Variants in PDGFD observed in about 807,000 individuals in gnomAD.
PDGFD encodes platelet-derived growth factor D.
PDGFD carries 30 observed loss-of-function variants against 44.7 expected under a neutral mutation model. The ratio of observed to expected loss-of-function variants is 0.67; its 90% CI spans 0.50 to 0.91. PDGFD has a LOEUF of 0.91. PDGFD is among the 40% of genes least tolerant of loss of function. The pLI is 0.00. For synonymous variants in PDGFD, 173 were observed against 168.4 expected (o/e 1.03, Z -0.21); for missense variants, 445 against 457.8 (o/e 0.97, Z 0.25).
intron 3 of PDGFD, among the ~76,000 whole-genome samples, chr11:103,971,639 C>T (rs1458947191): frequency 6.6e-6 from 1 of 152,100 alleles, no homozygotes; most frequent in Non-Finnish European, 1.5e-5. Context: ...TAAAATAAAA[C>T]ACTTAGCAAA....
intron 1 of PDGFD, among the ~76,000 whole-genome samples, chr11:104,160,864 T>C (rs1206940819): frequency 6.6e-6 from 1 of 152,090 alleles, no homozygotes; most frequent in Admixed American, 6.5e-5. Flanking sequence ...TTATAATGGG[T>C]AGAAGCAGAC....
At position 103,996,204 on chromosome 11, in the gene PDGFD, G is replaced by A; in HGVS notation, c.371C>T (p.Thr124Ile). 1 of 1,612,688 alleles carries A rather than the reference G, an allele frequency of 6.2e-7. No individual in the cohort carries two copies. The highest frequency in any genetic ancestry group is 1.3e-5 in the African/African-American group (1 of 74,956). The change falls in exon 3 of 7, where the codon ACC becomes ATC. Residue 124 changes from threonine to isoleucine, a missense_variant. Physicochemically the swap from Thr to Ile is moderately conservative, Grantham distance 89. Transcript: ENST00000393158. Reference sequence around the variant, plus strand: ...TCCACACCATCGTCCTCTAATAATGGTACTGGTTTCGGATATATCTTCAAC... The same window carrying A: ...TCCACACCATCGTCCTCTAATAATGATACTGGTTTCGGATATATCTTCAAC... ...VEVEDISETS[T>I]IIRGRWCGHK...
intron 1 of PDGFD, among the ~76,000 whole-genome samples, chr11:104,102,473 G>A (rs1311974587): frequency 2.6e-5 from 4 of 152,286 alleles, no homozygotes; most frequent in African/African-American, 9.6e-5. Flanking sequence ...CTTTTACACT[G>A]TTGGTGGGAC....
Position 103,909,621 on chromosome 11 carries a change from A to C in PDGFD, c.*73T>G. ...AGTAGTAAGTTTGGTTGCTGGTAGG[A>C]AAAGGGTCTCTTATCTCACCCTCCT... On this transcript the variant is annotated 3_prime_UTR_variant, in exon 7 of 7. Coordinates refer to ENST00000393158, the MANE Select transcript of PDGFD (RefSeq NM_025208.5). 1 of 1,573,068 alleles carries C rather than the reference A, an allele frequency of 6.4e-7. No individual in the cohort carries two copies. The highest frequency in any genetic ancestry group is 1.3e-5 in the African/African-American group (1 of 74,158).
chr11:104,036,481 G>A (rs1860234892), intron 1 of PDGFD: 1 of 289,638 alleles, frequency 3.5e-6, no homozygotes, highest in African/African-American at 2.1e-5. Context: ...TTCATATCAT[G>A]TGTTAAATAG....
rs201318206 is a variant in PDGFD, at chr11:104,089,562, A to G, written c.124+74242T>C. On this transcript the variant is annotated intron_variant, in intron 1 of 6. Transcript: ENST00000393158. ...ATATAGTACTTTAACTGTATGGGCT[A>G]GAATTTAGAGTTTACCAACGCTAAT... Among the ~76,000 whole-genome samples, 3 of 152,336 alleles carry G rather than the reference A, an allele frequency of 2.0e-5. No individual in the cohort carries two copies. The East Asian group carries it at 5.8e-4, about 29-fold the overall frequency.
chr11:104,036,929 C>T (rs748677380), intron 1 of PDGFD: 18 of 1,614,206 alleles, frequency 1.1e-5, no homozygotes, highest in African/African-American at 8.0e-5. Context: ...CTCTGCGAAG[C>T]GGAGTCCAGA....
At chr11:104,032,544 A>G (rs1243192857) in intron 1 of PDGFD, among the ~76,000 whole-genome samples, 2 of 151,698 alleles carry the variant, frequency 1.3e-5, no homozygotes, top group Non-Finnish European at 1.5e-5. Context: ...TAGGTATTCT[A>G]TTTTTTTTCA....
intron 1 of PDGFD, among the ~76,000 whole-genome samples, chr11:104,121,104 C>A (rs1006059549): frequency 3.9e-5 from 6 of 151,966 alleles, no homozygotes; most frequent in African/African-American, 1.4e-4. Context: ...GCACATGTCA[C>A]CACTGTTTTG....
chr11:103,999,105 T>C (rs142704579), intron 2 of PDGFD, among the ~76,000 whole-genome samples: 7 of 152,296 alleles, frequency 4.6e-5, no homozygotes, highest in Admixed American at 4.6e-4. Flanking sequence ...TTACCCTCTA[T>C]GGTCCTAGAA....
At chr11:104,022,531 G>A (rs1308604879) in intron 1 of PDGFD, among the ~76,000 whole-genome samples, 1 of 151,920 alleles carries the variant, frequency 6.6e-6, no homozygotes, top group African/African-American at 2.4e-5. Context: ...ATTTCCTAAG[G>A]TCAATTTCCA....
intron 3 of PDGFD, among the ~76,000 whole-genome samples, chr11:103,962,484 C>T (rs1858952828): frequency 6.6e-6 from 1 of 152,116 alleles, no homozygotes; most frequent in Non-Finnish European, 1.5e-5. Context: ...TGGCTTTCAT[C>T]AAAGGATCTC....
At chr11:103,996,955 G>C (rs962138933) in intron 2 of PDGFD, among the ~76,000 whole-genome samples, 3 of 152,164 alleles carry the variant, frequency 2.0e-5, no homozygotes, top group Non-Finnish European at 4.4e-5. Context: ...CTAGAATCCT[G>C]GGATTCAAGA....
intron 3 of PDGFD, among the ~76,000 whole-genome samples, chr11:103,993,394 C>T (rs1161168995): frequency 2.0e-5 from 3 of 151,416 alleles, no homozygotes; most frequent in Non-Finnish European, 4.4e-5. Context: ...AATCTTAAGG[C>T]TCATATTTTT....
At chr11:104,060,805 T>C (rs1418864843) in intron 1 of PDGFD, among the ~76,000 whole-genome samples, 2 of 152,244 alleles carry the variant, frequency 1.3e-5, no homozygotes, top group African/African-American at 4.8e-5. Flanking sequence ...ACAATTCAAA[T>C]GTTTTTGTAT....
chr11:104,056,872 G>A (rs759219159), intron 1 of PDGFD, among the ~76,000 whole-genome samples: 3 of 152,284 alleles, frequency 2.0e-5, no homozygotes, highest in African/African-American at 7.2e-5. Context: ...GCTCACACCT[G>A]TAGTCCCAGC....
At chr11:104,131,817 AAAAAAAAAAAG>A (rs1220779342) in intron 1 of PDGFD, among the ~76,000 whole-genome samples, 4,259 of 123,084 alleles carry the variant, frequency 0.035, 120 homozygotes, top group African/African-American at 0.082. Context: ...AAAAAAAAAA[AAAAAAAAAAAG>A]GGGATGCTTG....
intron 1 of PDGFD, among the ~76,000 whole-genome samples, chr11:104,005,141 A>G (rs1386558278): frequency 2.0e-5 from 3 of 152,138 alleles, no homozygotes; most frequent in Admixed American, 6.5e-5. Flanking sequence ...GGCCTCCTAA[A>G]GTGCTGGGAT....
intron 6 of PDGFD, among the ~76,000 whole-genome samples, chr11:103,924,513 T>G (rs1399533798): frequency 1.9e-5 from 2 of 106,112 alleles, no homozygotes; most frequent in African/African-American, 5.0e-5. Context: ...CAAGCAATTC[T>G]TATGACTTAA....
Sources: gnomAD v4.1 joint callset for allele counts (sites outside exome capture counted in the v4.1 genomes callset) on GRCh38, gnomAD v4.1.1 for gene constraint, MANE v1.5 for transcripts, NCBI Gene and HGNC (gene_info 2026-07-23, HGNC 2026-07-21) for gene names.